Variants in PRKCB observed in about 807,000 individuals in gnomAD.
PRKCB encodes protein kinase C beta type.
PRKCB carries 13 observed loss-of-function variants against 81.5 expected under a neutral mutation model. The ratio of observed to expected loss-of-function variants is 0.16; its 90% confidence interval spans 0.10 to 0.25. The LOEUF (loss-of-function observed/expected upper bound fraction) is 0.25. Among genes scored for constraint, PRKCB ranks in the 10% least tolerant of loss-of-function variants. PRKCB has a pLI of 1.00. For missense variants in PRKCB, 509 were observed against 875.7 expected (o/e 0.58, Z 5.29); for synonymous variants, 335 against 321.4 (o/e 1.04, Z -0.45).
At chr16:23,912,419 G>C (rs1470360230) in intron 2 of PRKCB, among the ~76,000 whole-genome samples, 1 of 151,174 alleles carries the variant, frequency 6.6e-6, no homozygotes. Flanking sequence ...GGTCAGCCCC[G>C]TGTCCTGATG....
At chr16:24,034,938 G>T (rs1342035661) in intron 4 of PRKCB, among the ~76,000 whole-genome samples, 1 of 152,178 alleles carries the variant, frequency 6.6e-6, no homozygotes, top group South Asian at 2.1e-4. Context: ...TTTCCAGGGA[G>T]CCCAACCTAT....
chr16:24,021,297 T>TC (rs74189801), intron 3 of PRKCB, among the ~76,000 whole-genome samples: 2,070 of 17,850 alleles, frequency 0.12, 410 homozygotes, highest in Middle Eastern at 0.25. Context: ...CTCCCTCCCT[T>TC]CCTTCCTTCC....
intron 8 of PRKCB, among the ~76,000 whole-genome samples, chr16:24,120,174 CAG>C (rs1966782877): frequency 1.3e-5 from 2 of 152,090 alleles, no homozygotes; most frequent in African/African-American, 4.8e-5. Flanking sequence ...GAAACTGGAA[CAG>C]AGATTGCCTT....
intron 2 of PRKCB, among the ~76,000 whole-genome samples, chr16:23,851,008 G>A (rs1425998986): frequency 6.6e-6 from 1 of 152,038 alleles, no homozygotes; most frequent in Non-Finnish European, 1.5e-5. Context: ...GTATATTTTG[G>A]ATATTAACTT....
At chr16:23,966,898 T>G (rs1233662156) in intron 2 of PRKCB, among the ~76,000 whole-genome samples, 1 of 152,166 alleles carries the variant, frequency 6.6e-6, no homozygotes, top group Non-Finnish European at 1.5e-5. Context: ...TGTTGCTGCA[T>G]GAGAATGTGG....
At chr16:24,045,883 C>A (rs946642509) in intron 5 of PRKCB, among the ~76,000 whole-genome samples, 6 of 152,218 alleles carry the variant, frequency 3.9e-5, no homozygotes, top group African/African-American at 1.4e-4. Flanking sequence ...TTGGCTCCTG[C>A]GCAGACCACC....
intron 5 of PRKCB, among the ~76,000 whole-genome samples, chr16:24,090,744 T>C (rs532402313): frequency 2.0e-5 from 3 of 152,270 alleles, no homozygotes; most frequent in African/African-American, 7.2e-5. Context: ...TGGTGTAAGA[T>C]AGTAGGGTAC....
chr16:24,036,210 CTGGTGGTGG>C (rs71154268), intron 5 of PRKCB, among the ~76,000 whole-genome samples: 2 of 150,978 alleles, frequency 1.3e-5, no homozygotes, highest in Admixed American at 6.6e-5. Context: ...GGAGGAGCTG[CTGGTGGTGG>C]TGGTGGTGGT....
chr16:24,093,406 T>C (rs539936185), intron 6 of PRKCB, among the ~76,000 whole-genome samples: 2 of 152,322 alleles, frequency 1.3e-5, no homozygotes, highest in Non-Finnish European at 2.9e-5. Flanking sequence ...GCTCCAAGAA[T>C]CTGGGAGTCT....
rs1432243403 is a variant in PRKCB at position 23,837,186 on chromosome 16, G to T, written c.174-189G>T. Reference sequence around the variant, plus strand: ...CCTCCTCTCTTCTGCAGGAGTGAAGGCAGATGGGGGTTACAGCCGAGCTCC... The same window carrying T: ...CCTCCTCTCTTCTGCAGGAGTGAAGTCAGATGGGGGTTACAGCCGAGCTCC... On this transcript the variant is annotated intron_variant, in intron 1 of 16. Transcript: ENST00000643927. The T allele has an allele frequency of 9.6e-6, 7 of 726,500 alleles. No homozygotes were observed. The African/African-American group carries it at 1.1e-4, about 11-fold the overall frequency. The allele number at this position is 726,500 out of a possible 1,614,324, so 45.0% of individuals were successfully genotyped here.
At chr16:23,929,417 T>C (rs9924831) in intron 2 of PRKCB, among the ~76,000 whole-genome samples, 60,179 of 151,868 alleles carry the variant, frequency 0.4, 12,384 homozygotes, top group South Asian at 0.55. Flanking sequence ...TGCTGTGTGG[T>C]CTTAGGCAGA....
At chr16:24,174,492 C>T (rs767492414) in intron 11 of PRKCB, 26 bp from the exon 12 acceptor site, 12 of 1,443,352 alleles carry the variant, frequency 8.3e-6, no homozygotes, top group South Asian at 2.3e-5. Flanking sequence ...GTTTCTCCAT[C>T]GCTTTTTTTT....
Position 24,214,696 on chromosome 16 carries a change from C to T in PRKCB, c.1902C>T (p.Thr634=), listed in dbSNP as rs531903837. ...RNAENFDRFF[T]RHPPVLTPPD... ...CTGAAAACTTCGACCGATTTTTCACCCGCCATCCACCAGTCCTAACACCTC... is the reference window on the plus strand; with the variant it reads ...CTGAAAACTTCGACCGATTTTTCACTCGCCATCCACCAGTCCTAACACCTC... The change falls in exon 17 of 17, where the codon ACC becomes ACT. Residue 634 remains threonine (T), a synonymous_variant. Transcript: ENST00000643927. The T allele has an allele frequency of 2.5e-6, 4 of 1,614,076 alleles. No individual in the cohort carries two copies. The African/African-American group carries it at 4.0e-5, about 16-fold the overall frequency.
chr16:23,884,029 G>A (rs749256492), intron 2 of PRKCB, among the ~76,000 whole-genome samples: 4 of 152,200 alleles, frequency 2.6e-5, no homozygotes, highest in East Asian at 3.9e-4. Flanking sequence ...TTACTTCCCC[G>A]CATAGCAAGT....
intron 2 of PRKCB, among the ~76,000 whole-genome samples, chr16:23,857,205 ACTGC>A (rs1165757900): frequency 6.6e-6 from 1 of 152,240 alleles, no homozygotes; most frequent in Non-Finnish European, 1.5e-5. Context: ...TTTTGGCGGA[ACTGC>A]CTGGCCTGAC....
intron 3 of PRKCB, among the ~76,000 whole-genome samples, chr16:23,994,414 GC>G (rs2141825948): frequency 6.6e-6 from 1 of 152,306 alleles, no homozygotes; most frequent in Non-Finnish European, 1.5e-5. Context: ...GTAGAGTGAG[GC>G]CCACTATGAT....
intron 3 of PRKCB, among the ~76,000 whole-genome samples, chr16:24,023,311 C>T (rs1350758316): frequency 6.6e-6 from 1 of 152,190 alleles, no homozygotes; most frequent in African/African-American, 2.4e-5. Flanking sequence ...CAGGCTTGGT[C>T]AATACCCACA....
chr16:23,859,568 G>A lies in PRKCB; in HGVS notation c.205+22162G>A, dbSNP rs369655160. ...AGAGGGGGGAGAAATGCCAGGAGCA[G>A]CTCACCTCCCAGGGTCCTGGGGAGG... On this transcript the variant is annotated intron_variant, in intron 2 of 16. Transcript: ENST00000643927. Among the ~76,000 whole-genome samples, 26 of 152,294 alleles carry A rather than the reference G, an allele frequency of 1.7e-4. 1 individual carries two copies. The South Asian group carries it at 4.1e-3, about 24-fold the overall frequency.
chr16:23,914,983 A>G (rs1042089358), intron 2 of PRKCB, among the ~76,000 whole-genome samples: 4 of 152,028 alleles, frequency 2.6e-5, no homozygotes, highest in Non-Finnish European at 4.4e-5. Context: ...CTTTAACAAG[A>G]TGGATGGGGG....
Sources: gnomAD v4.1 joint callset for allele counts (sites outside exome capture counted in the v4.1 genomes callset) on GRCh38, gnomAD v4.1.1 for gene constraint, MANE v1.5 for transcripts, NCBI Gene and HGNC (gene_info 2026-07-23, HGNC 2026-07-21) for gene names.